The following PTPRD variants were observed in gnomAD, a reference collection of about 807,000 sequenced individuals.
PTPRD encodes protein tyrosine phosphatase receptor type D, also known as receptor-type tyrosine-protein phosphatase delta.
Under a neutral mutation model 214.5 loss-of-function variants are expected in PTPRD, and 34 were observed. That is an observed-to-expected ratio of 0.16 (90% CI 0.12 to 0.21). The LOEUF (loss-of-function observed/expected upper bound fraction) is 0.21. Ranked by LOEUF, PTPRD falls within the 10% of genes least tolerant of loss-of-function variation. The pLI is 1.00. For synonymous variants in PTPRD, 1,128 were observed against 845.7 expected, an observed-to-expected ratio of 1.33 and a Z score of -5.79; for missense variants, 2,545 against 2,398.7, an observed-to-expected ratio of 1.06 and a Z score of -1.27.
In PTPRD at chr9:8,359,107, C is replaced by CAAAAAAAAAAA. The variant is rs749802631; in HGVS notation, c.4661+16818_4661+16828dup. On this transcript the variant is annotated intron_variant, in intron 39 of 45. Coordinates refer to ENST00000381196, the MANE Select transcript of PTPRD (RefSeq NM_002839.4). ...TGGGCCACAGAGCGAGACTCCGTCTCAAAAAAAAAAAAAAACAAAAAAAAA... is the reference window on the plus strand; with the variant it reads ...TGGGCCACAGAGCGAGACTCCGTCTCAAAAAAAAAAAAAAAAAAAAAAAAAACAAAAAAAAA... Among the ~76,000 whole-genome samples, 3 of 9,846 alleles carry CAAAAAAAAAAA rather than the reference C, an allele frequency of 3.0e-4. 1 individual carries two copies. The highest frequency in any genetic ancestry group is 1.5e-3 in the African/African-American group (3 of 1,952). 6.5% of individuals were successfully genotyped at this position (9,846 alleles called of 152,430 possible). A position where few individuals can be genotyped will look rare whatever the true frequency, so the allele number is the denominator to read the frequency against.
chr9:10,375,811 A>G (rs1186548151), intron 2 of PTPRD, among the ~76,000 whole-genome samples: 1 of 152,026 alleles, frequency 6.6e-6, no homozygotes, highest in African/African-American at 2.4e-5. Context: ...TCTTCAGAAT[A>G]AGAGATAGTG....
chr9:9,797,002 T>C (rs1272388692), intron 5 of PTPRD, among the ~76,000 whole-genome samples: 1 of 152,078 alleles, frequency 6.6e-6, no homozygotes. Flanking sequence ...TATCAACTAA[T>C]AGAGATGGAA....
chr9:10,564,500 A>T (rs1441402404), intron 2 of PTPRD, among the ~76,000 whole-genome samples: 1 of 151,960 alleles, frequency 6.6e-6, no homozygotes, highest in African/African-American at 2.4e-5. Flanking sequence ...TAGTTCCTGG[A>T]AGTGGCCATA....
intron 7 of PTPRD, among the ~76,000 whole-genome samples, chr9:9,638,949 A>T (rs916677794): frequency 6.6e-6 from 1 of 151,900 alleles, no homozygotes; most frequent in Non-Finnish European, 1.5e-5. Context: ...TCTCCTTCAA[A>T]CTCTTTCATA....
At chr9:10,140,817 T>A (rs1261496354) in intron 3 of PTPRD, among the ~76,000 whole-genome samples, 7 of 151,682 alleles carry the variant, frequency 4.6e-5, no homozygotes, top group African/African-American at 1.7e-4. Context: ...TTTAGACCAA[T>A]ATCCTTGATG....
intron 10 of PTPRD, among the ~76,000 whole-genome samples, chr9:9,019,315 A>AGAAAGAAAGAAC (rs1569428962): frequency 8.6e-6 from 1 of 115,708 alleles, no homozygotes; most frequent in African/African-American, 3.5e-5. Flanking sequence ...AAAGAAAGAA[A>AGAAAGAAAGAAC]GAAAGAAAGA....
At chr9:10,289,988 T>C (rs1051314593) in intron 3 of PTPRD, among the ~76,000 whole-genome samples, 1 of 152,178 alleles carries the variant, frequency 6.6e-6, no homozygotes, top group Non-Finnish European at 1.5e-5. Context: ...ATTTAAAAGT[T>C]GGCATTTTGG....
intron 14 of PTPRD, among the ~76,000 whole-genome samples, chr9:8,530,760 T>C (rs904976724): frequency 6.6e-6 from 1 of 152,100 alleles, no homozygotes; most frequent in African/African-American, 2.4e-5. Flanking sequence ...AGATTCTGAA[T>C]GTGAATGGCG....
intron 2 of PTPRD, among the ~76,000 whole-genome samples, chr9:10,343,978 GTTTTTTTTTTTT>G (rs139613939): frequency 2.2e-4 from 7 of 31,670 alleles, no homozygotes; most frequent in South Asian, 2.7e-3. Flanking sequence ...TCTGATGGTA[GTTTTTTTTTTTT>G]TTTTTTTTTT....
At chr9:8,474,381 G>A (rs907663587) in intron 30 of PTPRD, among the ~76,000 whole-genome samples, 1 of 151,824 alleles carries the variant, frequency 6.6e-6, no homozygotes, top group African/African-American at 2.4e-5. Context: ...TTCATAGGTC[G>A]GGCCCACGTA....
chr9:8,940,063 T>A (rs911629685), intron 11 of PTPRD, among the ~76,000 whole-genome samples: 1 of 8,030 alleles, frequency 1.2e-4, no homozygotes, highest in Non-Finnish European at 3.5e-4. Context: ...ACAAATAAGT[T>A]TGGAAAAAAA....
chr9:9,241,033 G>T (rs1351006432), intron 9 of PTPRD, among the ~76,000 whole-genome samples: 2 of 152,124 alleles, frequency 1.3e-5, no homozygotes, highest in Non-Finnish European at 2.9e-5. Flanking sequence ...GACTGGGTGA[G>T]AATTTTCAGA....
intron 3 of PTPRD, among the ~76,000 whole-genome samples, chr9:10,225,244 A>G (rs1408480420): frequency 3.3e-5 from 5 of 152,000 alleles, no homozygotes; most frequent in Non-Finnish European, 7.4e-5. Flanking sequence ...AAAATAGAAT[A>G]ATATTTAGAT....
At chr9:9,561,877 C>G (rs2083061426) in intron 8 of PTPRD, among the ~76,000 whole-genome samples, 1 of 152,164 alleles carries the variant, frequency 6.6e-6, no homozygotes, top group South Asian at 2.1e-4. Flanking sequence ...ATGGCTCAGA[C>G]TTAGACATTT....
intron 6 of PTPRD, among the ~76,000 whole-genome samples, chr9:9,755,419 G>A (rs558874190): frequency 2.0e-5 from 3 of 152,158 alleles, no homozygotes; most frequent in Admixed American, 6.6e-5. Context: ...CGGTTTAAGG[G>A]TAGATTGTAT....
chr9:9,858,114 T>C (rs567024866), intron 5 of PTPRD, among the ~76,000 whole-genome samples: 2 of 152,310 alleles, frequency 1.3e-5, no homozygotes, highest in South Asian at 2.1e-4. Context: ...TGTGCAATTG[T>C]TTTAGTGAAT....
At chr9:9,953,752 T>C (rs1259817245) in intron 4 of PTPRD, among the ~76,000 whole-genome samples, 6 of 152,164 alleles carry the variant, frequency 3.9e-5, no homozygotes, top group Admixed American at 3.9e-4. Flanking sequence ...TAACTAGTTT[T>C]TGCAGGTACC....
chr9:9,192,613 A>G (rs1019161622), intron 9 of PTPRD, among the ~76,000 whole-genome samples: 2 of 152,142 alleles, frequency 1.3e-5, no homozygotes, highest in African/African-American at 4.8e-5. Context: ...TGATGAGACA[A>G]TAAAACAAAT....
At chr9:8,531,382 A>G (rs897037548) in intron 14 of PTPRD, among the ~76,000 whole-genome samples, 14 of 152,106 alleles carry the variant, frequency 9.2e-5, no homozygotes, top group African/African-American at 2.9e-4. Context: ...TGCTGGGGGG[A>G]AAAAGGAGCA....
Sources: allele counts gnomAD v4.1 joint callset (sites outside exome capture counted in the v4.1 genomes callset), GRCh38; gene constraint gnomAD v4.1.1; transcripts MANE v1.5; gene names NCBI Gene and HGNC (gene_info 2026-07-23, HGNC 2026-07-21).